The following SLC22A23 variants were observed in gnomAD, a reference collection of about 807,000 sequenced individuals.
SLC22A23 encodes the protein ion transporter protein.
SLC22A23 carries 26 observed loss-of-function variants against 61.0 expected under a neutral mutation model. That is an observed-to-expected ratio of 0.43 (90% CI 0.31 to 0.59). The LOEUF (loss-of-function observed/expected upper bound fraction) is 0.59. Among genes scored for constraint, SLC22A23 ranks in the 20% least tolerant of loss-of-function variants. The pLI is 0.11. For missense variants in SLC22A23, 796 were observed against 934.7 expected (o/e 0.85, Z 1.94); for synonymous variants, 430 against 413.9 (o/e 1.04, Z -0.47).
chr6:3,355,143 T>C (rs2127438976), intron 3 of SLC22A23, among the ~76,000 whole-genome samples: 1 of 151,570 alleles, frequency 6.6e-6, no homozygotes, highest in African/African-American at 2.4e-5. Flanking sequence ...TCTATCTGCT[T>C]GGAAACAGCT....
chr6:3,282,228 TC>T (rs1561862202), intron 9 of SLC22A23: 2 of 702,492 alleles, frequency 2.8e-6, no homozygotes, highest in African/African-American at 1.7e-5. Flanking sequence ...TCACTTTCCG[TC>T]CTTTAGACAG....
intron 3 of SLC22A23, among the ~76,000 whole-genome samples, chr6:3,394,092 C>T (rs377090378): frequency 6.6e-6 from 1 of 152,178 alleles, no homozygotes; most frequent in African/African-American, 2.4e-5. Context: ...ACTAAAGACA[C>T]GGAAAATAAG....
At chr6:3,432,293 T>C (rs1770919025) in intron 1 of SLC22A23, 2 of 985,380 alleles carry the variant, frequency 2.0e-6, no homozygotes, top group African/African-American at 1.7e-5. Context: ...CCTTCCACAA[T>C]CACTCAGGCT....
In SLC22A23 at chr6:3,304,571, T is replaced by C. The variant is rs1191357851; in HGVS notation, c.1083-6353A>G. Among the ~76,000 whole-genome samples, 1 of 152,100 alleles carries C rather than the reference T, an allele frequency of 6.6e-6. No homozygotes were observed. Among genetic ancestry groups the C allele is most frequent in the Non-Finnish European group, 1.5e-5 (1 of 68,024 alleles). On this transcript the variant is annotated intron_variant, in intron 4 of 9. Transcript: ENST00000406686. This position sits in a 1 kb window ranked among gnomAD's most constrained non-coding sequence, Gnocchi z 4.3. ...ATTGTCACTACAAATCCATCTGAAA[T>C]GGATTTGTCACTACTCACTCAAATC... is the stretch of plus-strand genomic sequence containing the variant.
In SLC22A23 at chr6:3,275,329, A is replaced by G. The variant is rs148967804; in HGVS notation, c.1704-1917T>C. On this transcript the variant is annotated intron_variant, in intron 9 of 9. Coordinates refer to ENST00000406686, the MANE Select transcript of SLC22A23 (RefSeq NM_015482.2). ...AAATGAACTCAAAATGGATAATAAA[A>G]TCTAAGTGCTTAACTTAGCTCAAAC... Among the ~76,000 whole-genome samples, 7 of 152,342 alleles carry G rather than the reference A, an allele frequency of 4.6e-5. No individual in the cohort carries two copies. The East Asian group carries it at 7.7e-4, about 17-fold the overall frequency.
At chr6:3,284,951 G>C (rs962785031) in intron 8 of SLC22A23, 128 bp downstream of exon 8, 1 of 1,548,584 alleles carries the variant, frequency 6.5e-7, no homozygotes, top group Admixed American at 2.0e-5. Flanking sequence ...GCCAACTTCA[G>C]CTGCAGTTCT....
At chr6:3,450,540 C>T (rs903392707) in intron 1 of SLC22A23, among the ~76,000 whole-genome samples, 3 of 152,174 alleles carry the variant, frequency 2.0e-5, no homozygotes, top group African/African-American at 4.8e-5. Flanking sequence ...CTCCTGACCT[C>T]GTGATCCGCC....
chr6:3,340,121 T>C (rs1297786542), intron 3 of SLC22A23, among the ~76,000 whole-genome samples: 3 of 152,152 alleles, frequency 2.0e-5, no homozygotes, highest in Non-Finnish European at 4.4e-5. Context: ...AAAAGCGGTA[T>C]TATCCAGGAG....
chr6:3,339,217 AAC>A (rs1301322929), intron 3 of SLC22A23, among the ~76,000 whole-genome samples: 2 of 152,214 alleles, frequency 1.3e-5, no homozygotes, highest in African/African-American at 2.4e-5. Flanking sequence ...TAAAAATTAA[AAC>A]AGTGTGCTTT....
At chr6:3,438,575 G>T (rs1351394795) in intron 1 of SLC22A23, 1 of 452,444 alleles carries the variant, frequency 2.2e-6, no homozygotes, top group African/African-American at 2.0e-5. Context: ...CACCGTAATA[G>T]GAATTAATTA....
In SLC22A23 at chr6:3,298,167, A is replaced by G. The variant is rs1412477090; in HGVS notation, c.1134T>C (p.Ser378=). The part of the protein sequence containing the change: ...RWLMATQQFE[S]AKRLILHFTQ... Reference sequence around the variant, plus strand: ...TGAAGTGGAGGATCAGCCTCTTTGCAGACTCAAACTGCTGGGTGGCCATTA... The same window carrying G: ...TGAAGTGGAGGATCAGCCTCTTTGCGGACTCAAACTGCTGGGTGGCCATTA... Residue 378 remains serine (S), a synonymous_variant, in exon 5 of 10, where the codon TCT becomes TCC. Transcript: ENST00000406686. 1.3e-6 allele frequency: 2 copies of G among 1,592,704 alleles called. No individual in the cohort carries two copies. Among genetic ancestry groups the G allele is most frequent in the East Asian group, 4.6e-5 (2 of 43,274 alleles).
rs1373700737 is a variant in SLC22A23, at chr6:3,360,433, G to C, written c.914-36431C>G. On this transcript the variant is annotated intron_variant, in intron 3 of 9. Transcript: ENST00000406686. This position sits in a 1 kb window ranked among gnomAD's most constrained non-coding sequence, Gnocchi z 4.6. ...AGGATCAGAAAGGCTCAATCACCAG[G>C]AGGTGAGGTGAGTCACAGAGCTCAC... Among the ~76,000 whole-genome samples, 1 of 152,178 alleles carries C rather than the reference G, an allele frequency of 6.6e-6. No homozygotes were observed.
At chr6:3,370,269 T>C (rs1160699103) in intron 3 of SLC22A23, among the ~76,000 whole-genome samples, 1 of 152,262 alleles carries the variant, frequency 6.6e-6, no homozygotes, top group Admixed American at 6.5e-5. Flanking sequence ...AGGGAAATTA[T>C]TTAACAGTAC....
chr6:3,346,290 G>A (rs545987468), intron 3 of SLC22A23, among the ~76,000 whole-genome samples: 21 of 152,218 alleles, frequency 1.4e-4, no homozygotes, highest in Middle Eastern at 3.4e-3. Context: ...AGCATTGCAC[G>A]TCTGAAGCTG....
chr6:3,457,044 C>T lies in SLC22A23; in HGVS notation c.-485G>A, dbSNP rs1772443975. ...CTCCCGGAAGCCGCGAGCTCTGGAC[C>T]CAGCCTGCCGAGCCGGCCGCGCTCT... On this transcript the variant is annotated 5_prime_UTR_variant, in exon 1 of 10. Transcript: ENST00000406686. 6.6e-6 allele frequency: 1 copy of T among 152,184 alleles called. No individual in the cohort carries two copies. Among genetic ancestry groups the T allele is most frequent in the Non-Finnish European group, 1.5e-5 (1 of 68,018 alleles). 9.4% of individuals were successfully genotyped at this position (152,184 alleles called of 1,614,324 possible).
chr6:3,405,559 C>T (rs75030564), intron 3 of SLC22A23, among the ~76,000 whole-genome samples: 2,554 of 152,286 alleles, frequency 0.017, 29 homozygotes, highest in Non-Finnish European at 0.027. Context: ...TCGGCAATCT[C>T]CATTCTCTTC....
chr6:3,405,446 G>A (rs369593089), intron 3 of SLC22A23, among the ~76,000 whole-genome samples: 2 of 152,018 alleles, frequency 1.3e-5, no homozygotes, highest in African/African-American at 2.4e-5. Context: ...ACAAAGAGAC[G>A]ACCGAGCACG....
At chr6:3,285,248 G>T in intron 7 of SLC22A23, 137 bp from the exon 8 acceptor site, 2 of 1,233,388 alleles carry the variant, frequency 1.6e-6, no homozygotes, top group Non-Finnish European at 2.3e-6. Flanking sequence ...TTCCGTGTCT[G>T]GGATGGCGCT....
intron 9 of SLC22A23, among the ~76,000 whole-genome samples, chr6:3,280,939 G>A (rs1022089355): frequency 6.6e-6 from 1 of 152,296 alleles, no homozygotes; most frequent in South Asian, 2.1e-4. Flanking sequence ...GAGTGTCTCA[G>A]GGAGGCCTGT....
Sources: gnomAD v4.1 joint callset for allele counts (sites outside exome capture counted in the v4.1 genomes callset) on GRCh38, gnomAD v4.1.1 for gene constraint, Gnocchi (gnomAD v3.1) non-coding constraint, MANE v1.5 for transcripts, NCBI Gene and HGNC (gene_info 2026-07-23, HGNC 2026-07-21) for gene names.